The following PIP4K2A variants were observed in gnomAD, a reference collection of about 807,000 sequenced individuals.
PIP4K2A encodes phosphatidylinositol 5-phosphate 4-kinase type-2 alpha.
Under a neutral mutation model 42.9 loss-of-function variants are expected in PIP4K2A, and 14 were observed. The observed-to-expected ratio is 0.33, with a 90% CI of 0.22 to 0.51. The LOEUF (loss-of-function observed/expected upper bound fraction) is 0.51. PIP4K2A is among the 20% of genes least tolerant of loss of function. PIP4K2A has a pLI of 0.97. For synonymous variants in PIP4K2A, 192 were observed against 192.2 expected (o/e 1.00, Z 0.01); for missense variants, 434 against 519.8 (o/e 0.83, Z 1.61).
intron 1 of PIP4K2A, among the ~76,000 whole-genome samples, chr10:22,669,620 C>T (rs987775406): frequency 1.6e-4 from 25 of 152,160 alleles, no homozygotes. Context: ...GCTATGGACA[C>T]CGGGTTTATT....
intron 1 of PIP4K2A, among the ~76,000 whole-genome samples, chr10:22,636,114 G>A (rs1279655061): frequency 6.6e-6 from 1 of 152,176 alleles, no homozygotes; most frequent in Non-Finnish European, 1.5e-5. Context: ...AAATCTTCAG[G>A]AAGAGGACTC....
chr10:22,567,754 A>G, intron 6 of PIP4K2A, 97 bp downstream of exon 6: 1 of 1,039,566 alleles, frequency 9.6e-7, no homozygotes, highest in Non-Finnish European at 1.5e-6. Context: ...AAGAACCACA[A>G]TAGCAGGGGT....
chr10:22,556,417 G>A (rs1350880612), intron 6 of PIP4K2A, among the ~76,000 whole-genome samples: 5 of 151,808 alleles, frequency 3.3e-5, no homozygotes, highest in African/African-American at 1.2e-4. Flanking sequence ...CCAAATGAGA[G>A]TAAAATGTCC....
chr10:22,538,742 A>T (rs977982530), intron 9 of PIP4K2A, among the ~76,000 whole-genome samples: 2 of 152,034 alleles, frequency 1.3e-5, no homozygotes, highest in Admixed American at 1.3e-4. Context: ...TAAAAAGAGT[A>T]CTCAAAAATT....
chr10:22,591,909 G>T, intron 3 of PIP4K2A, 128 bp from the exon 4 acceptor site: 1 of 746,778 alleles, frequency 1.3e-6, no homozygotes, highest in Non-Finnish European at 2.1e-6. Context: ...GGGATAAATT[G>T]ATAAGTAGGA....
At chr10:22,611,130 T>C (rs1838025885) in intron 1 of PIP4K2A, among the ~76,000 whole-genome samples, 1 of 152,194 alleles carries the variant, frequency 6.6e-6, no homozygotes, top group African/African-American at 2.4e-5. Context: ...AGCTCATATA[T>C]GTAATCCCAG....
At chr10:22,698,706 C>G (rs1022425608) in intron 1 of PIP4K2A, among the ~76,000 whole-genome samples, 1 of 152,092 alleles carries the variant, frequency 6.6e-6, no homozygotes, top group African/African-American at 2.4e-5. Flanking sequence ...GTTAAGAATA[C>G]ATAGTAAGAT....
At chr10:22,655,635 C>T (rs780245798) in intron 1 of PIP4K2A, among the ~76,000 whole-genome samples, 7 of 152,228 alleles carry the variant, frequency 4.6e-5, no homozygotes, top group Non-Finnish European at 1.0e-4. Context: ...AATTCTGCAG[C>T]TCAGCGTTTC....
chr10:22,550,575 A>T, intron 7 of PIP4K2A, 84 bp downstream of exon 7: 1 of 806,470 alleles, frequency 1.2e-6, no homozygotes, highest in Non-Finnish European at 2.2e-6. Flanking sequence ...TTGAAGATTT[A>T]AATAGATGGT....
intron 1 of PIP4K2A, among the ~76,000 whole-genome samples, chr10:22,652,580 C>G (rs965091925): frequency 2.0e-5 from 3 of 152,186 alleles, no homozygotes; most frequent in African/African-American, 7.2e-5. Flanking sequence ...CTGTAATTAT[C>G]TAGCATATTA....
At chr10:22,578,124 A>G (rs1219667394) in intron 4 of PIP4K2A, among the ~76,000 whole-genome samples, 2 of 152,220 alleles carry the variant, frequency 1.3e-5, no homozygotes, top group Admixed American at 6.5e-5. Flanking sequence ...TAATTGTTCA[A>G]TCTAAGTGAT....
In PIP4K2A at chr10:22,561,565, G is replaced by GTTTTTTTTTTTTTTTTT. The variant is rs71394001; in HGVS notation, c.678+6269_678+6285dup. On this transcript the variant is annotated intron_variant, in intron 6 of 9. Transcript: ENST00000376573. ...TATGTCACCAGAGATTCTCTACGCA[G>GTTTTTTTTTTTTTTTTT]TTTTTTTTTTTTTTTTTTTTTTTTT... Among the ~76,000 whole-genome samples the GTTTTTTTTTTTTTTTTT allele has an allele frequency of 3.5e-5, 4 of 113,500 alleles. 2 individuals are homozygous for GTTTTTTTTTTTTTTTTT. Among genetic ancestry groups the GTTTTTTTTTTTTTTTTT allele is most frequent in the African/African-American group, 7.1e-5 (2 of 28,314 alleles). 74.5% of individuals were successfully genotyped at this position (113,500 alleles called of 152,430 possible). A position where few individuals can be genotyped will look rare whatever the true frequency, so the allele number is the denominator to read the frequency against.
At position 22,689,989 on chromosome 10, in the gene PIP4K2A, G is replaced by GA. The variant is rs143016223; in HGVS notation, c.144+24193dup. Reference sequence around the variant, plus strand: ...TTCAAACACTTGAGCCCTGCAGGGGGAAAAAAAAATCCTTATAACTGCTTG... The same window carrying GA: ...TTCAAACACTTGAGCCCTGCAGGGGGAAAAAAAAAATCCTTATAACTGCTTG... On this transcript the variant is annotated intron_variant, in intron 1 of 9. Transcript: ENST00000376573. 6.8e-4 allele frequency among the ~76,000 whole-genome samples: 103 copies of GA among 150,632 alleles called. 1 individual carries two copies. Among genetic ancestry groups the GA allele is most frequent in the Admixed American group, 4.6e-3 (70 of 15,134 alleles).
intron 1 of PIP4K2A, among the ~76,000 whole-genome samples, chr10:22,630,547 A>T (rs1311177713): frequency 6.6e-6 from 1 of 152,148 alleles, no homozygotes; most frequent in Non-Finnish European, 1.5e-5. Flanking sequence ...TACAACGAAA[A>T]CTGCTTTCCC....
intron 4 of PIP4K2A, among the ~76,000 whole-genome samples, chr10:22,574,449 T>TTG: frequency 6.7e-6 from 1 of 150,154 alleles, no homozygotes; most frequent in East Asian, 2.0e-4. Context: ...TTTCTGTTTT[T>TTG]TTTTTTTTTT....
chr10:22,588,585 G>A (rs1243211979), intron 4 of PIP4K2A, among the ~76,000 whole-genome samples: 1 of 151,584 alleles, frequency 6.6e-6, no homozygotes, highest in Non-Finnish European at 1.5e-5. Context: ...CAACTTCTTT[G>A]AAGGCCACCT....
At chr10:22,583,319 AT>A (rs1168205372) in intron 4 of PIP4K2A, among the ~76,000 whole-genome samples, 2 of 152,208 alleles carry the variant, frequency 1.3e-5, no homozygotes, top group Non-Finnish European at 2.9e-5. Context: ...CTTAGCTGGT[AT>A]AAAGGCAGGA....
chr10:22,591,798 A>T lies in PIP4K2A; in HGVS notation c.340-17T>A. 6.3e-7 allele frequency: 1 copy of T among 1,597,982 alleles called. No individual in the cohort carries two copies. The highest frequency in any genetic ancestry group is 8.5e-7 in the Non-Finnish European group (1 of 1,171,028). ...CAGGGAATTCTTCCCGGGTGGGGTA[A>T]GAGGGGAAGGAAGGCGGGGGAAGAT... is the stretch of plus-strand genomic sequence containing the variant. On this transcript the variant is annotated splice_polypyrimidine_tract_variant and intron_variant, in intron 3 of 9. Transcript: ENST00000376573.
chr10:22,658,732 C>T (rs1271200671), intron 1 of PIP4K2A, among the ~76,000 whole-genome samples: 2 of 152,180 alleles, frequency 1.3e-5, no homozygotes, highest in Admixed American at 6.5e-5. Flanking sequence ...TTATCCTAAG[C>T]CCAGGAATGT....
Sources: gnomAD v4.1 joint callset for allele counts (sites outside exome capture counted in the v4.1 genomes callset) on GRCh38, gnomAD v4.1.1 for gene constraint, MANE v1.5 for transcripts, NCBI Gene and HGNC (gene_info 2026-07-23, HGNC 2026-07-21) for gene names.